The following ABTB3 variants were observed in gnomAD, a reference collection of about 807,000 sequenced individuals.
The protein encoded by ABTB3 is ankyrin repeat and BTB domain containing 3, also known as ankyrin repeat- and BTB/POZ domain-containing protein 3.
the ABTB3 span, among the ~76,000 whole-genome samples, chr12:107,431,877 T>G: frequency 6.6e-6 from 1 of 152,196 alleles, no homozygotes; most frequent in South Asian, 2.1e-4. Flanking sequence ...AAGGAACATC[T>G]GAGGCCCCGG....
the ABTB3 span, among the ~76,000 whole-genome samples, chr12:107,327,610 C>T: frequency 1.3e-5 from 2 of 152,182 alleles, no homozygotes; most frequent in African/African-American, 4.8e-5. Context: ...GGCATGAGCT[C>T]TGACTGCCAA....
chr12:107,543,014 A>G, the ABTB3 span, among the ~76,000 whole-genome samples: 4 of 152,100 alleles, frequency 2.6e-5, no homozygotes, highest in Non-Finnish European at 5.9e-5. Flanking sequence ...TCAAGGGTGA[A>G]CTGTACACTG....
At chr12:107,482,927 T>C in the ABTB3 span, among the ~76,000 whole-genome samples, 1 of 19,264 alleles carries the variant, frequency 5.2e-5, no homozygotes, top group Non-Finnish European at 9.6e-5. Flanking sequence ...TTTCTTTCTT[T>C]CTTTCTTTCT....
the ABTB3 span, among the ~76,000 whole-genome samples, chr12:107,516,228 C>CT: frequency 0.098 from 14,518 of 148,494 alleles, 754 homozygotes; most frequent in Middle Eastern, 0.11. Context: ...ATCCATTATT[C>CT]TTTTTTTTTT....
chr12:107,436,040 A>C, the ABTB3 span, among the ~76,000 whole-genome samples: 1 of 152,170 alleles, frequency 6.6e-6, no homozygotes, highest in Non-Finnish European at 1.5e-5. Flanking sequence ...ACCATTTTAA[A>C]CCCTTGCTCT....
chr12:107,649,486 G>A, the ABTB3 span: 2 of 556,092 alleles, frequency 3.6e-6, no homozygotes, highest in Non-Finnish European at 6.5e-6. Flanking sequence ...GGCAGGCTGG[G>A]GTGCTAGTGC....
chr12:107,643,776 G>T, the ABTB3 span, among the ~76,000 whole-genome samples: 9 of 89,320 alleles, frequency 1.0e-4, no homozygotes, highest in Middle Eastern at 6.7e-3. Context: ...TTTTTGTTGA[G>T]AGAGAGAGAG....
the ABTB3 span, among the ~76,000 whole-genome samples, chr12:107,396,723 G>A: frequency 6.6e-6 from 1 of 151,846 alleles, no homozygotes; most frequent in Non-Finnish European, 1.5e-5. Flanking sequence ...ATATTTGCAT[G>A]ATTCTCTCAC....
chr12:107,319,568 A>G, the ABTB3 span: 1 of 1,541,642 alleles, frequency 6.5e-7, no homozygotes, highest in Non-Finnish European at 8.7e-7. Flanking sequence ...CTGCGGCCTC[A>G]CCTTCTCCGT....
chr12:107,339,679 ACG>A, the ABTB3 span, among the ~76,000 whole-genome samples: 5 of 114,138 alleles, frequency 4.4e-5, no homozygotes, highest in African/African-American at 1.7e-4. Flanking sequence ...GTGTGCATGC[ACG>A]TGTGTGTGTG....
chr12:107,411,975 G>C, the ABTB3 span, among the ~76,000 whole-genome samples: 2 of 152,172 alleles, frequency 1.3e-5, no homozygotes, highest in Non-Finnish European at 2.9e-5. Flanking sequence ...CTCATTTTGA[G>C]CCAAGAGTGT....
the ABTB3 span, among the ~76,000 whole-genome samples, chr12:107,469,637 C>CCAG: frequency 2.1e-4 from 32 of 152,284 alleles, no homozygotes; most frequent in African/African-American, 7.0e-4. Flanking sequence ...TGAGGTTCCC[C>CCAG]CAGCAGCAGG....
the ABTB3 span, among the ~76,000 whole-genome samples, chr12:107,391,687 C>T: frequency 3.9e-5 from 6 of 152,300 alleles, no homozygotes; most frequent in African/African-American, 1.2e-4. Flanking sequence ...CCTAGTTTGA[C>T]GGTTTCAACT....
chr12:107,618,119 A>G, the ABTB3 span: 1 of 1,593,452 alleles, frequency 6.3e-7, no homozygotes, highest in Non-Finnish European at 8.6e-7. Context: ...ATCCACTTCC[A>G]TCTCTGAGTG....
At chr12:107,350,891 G>T in the ABTB3 span, among the ~76,000 whole-genome samples, 1 of 152,170 alleles carries the variant, frequency 6.6e-6, no homozygotes, top group Non-Finnish European at 1.5e-5. Context: ...AAGCCTGAAA[G>T]CCTAAAGTCT....
the ABTB3 span, among the ~76,000 whole-genome samples, chr12:107,403,888 C>T: frequency 2.0e-5 from 3 of 152,090 alleles, no homozygotes; most frequent in Non-Finnish European, 2.9e-5. Flanking sequence ...TATGGCCGGG[C>T]GCGGTGGCTC....
At chr12:107,459,250 A>G in the ABTB3 span, among the ~76,000 whole-genome samples, 3 of 152,344 alleles carry the variant, frequency 2.0e-5, no homozygotes, top group Admixed American at 6.5e-5. Flanking sequence ...GTGAGGGATC[A>G]GAATCCATCC....
At chr12:107,646,857 G>A in the ABTB3 span, among the ~76,000 whole-genome samples, 8 of 151,116 alleles carry the variant, frequency 5.3e-5, no homozygotes, top group African/African-American at 1.7e-4. Context: ...GTGGAGATCT[G>A]AGGAGGCGCC....
chr12:107,355,361 G>A, the ABTB3 span, among the ~76,000 whole-genome samples: 1 of 152,214 alleles, frequency 6.6e-6, no homozygotes, highest in African/African-American at 2.4e-5. Context: ...GGCAGGTGGG[G>A]ACTGGACCAC....
Sources: allele counts gnomAD v4.1 joint callset (sites outside exome capture counted in the v4.1 genomes callset), GRCh38; gene constraint gnomAD v4.1.1; transcripts MANE v1.5; gene names NCBI Gene and HGNC (gene_info 2026-07-23, HGNC 2026-07-21).